MRTFB: variants seen among roughly 807,000 people sequenced by gnomAD.
The protein encoded by MRTFB is myocardin related transcription factor B.
In MRTFB, 29 loss-of-function variants were observed where a neutral mutation model predicts 104.2. The observed-to-expected ratio is 0.28, with a 90% CI of 0.21 to 0.38. The LOEUF (loss-of-function observed/expected upper bound fraction) is 0.38, where lower values mean the gene tolerates loss of function less well. MRTFB is among the 10% of genes least tolerant of loss of function. The pLI is 1.00. For missense variants in MRTFB, 1,270 were observed against 1,341.6 expected (o/e 0.95, Z 0.83); for synonymous variants, 535 against 519.5 (o/e 1.03, Z -0.41).
At position 14,079,276 on chromosome 16, in the gene MRTFB, C is replaced by CTT. The variant is rs532950279; in HGVS notation, c.-128-6_-128-5dup. On this transcript the variant is annotated splice_polypyrimidine_tract_variant and intron_variant, in intron 1 of 16. Coordinates refer to ENST00000571589, the MANE Select transcript of MRTFB (RefSeq NM_001308142.2). ...GTGCTCAATAAAAAGTAATTTCTGC[C>CTT]TTTTTTTTTCCAGGTTCACAATAAA... 4 of 346,020 alleles carry CTT rather than the reference C, an allele frequency of 1.2e-5. No individual in the cohort carries two copies. Among genetic ancestry groups the CTT allele is most frequent in the African/African-American group, 6.3e-5 (3 of 47,504 alleles). The allele number at this position is 346,020 out of a possible 1,614,324, so 21.4% of individuals were successfully genotyped here. A position where few individuals can be genotyped will look rare whatever the true frequency, so the allele number is the denominator to read the frequency against.
At chr16:14,206,345 CTCTG>C (rs1489083237) in intron 3 of MRTFB, among the ~76,000 whole-genome samples, 15 of 152,194 alleles carry the variant, frequency 9.9e-5, no homozygotes, top group African/African-American at 3.4e-4. Context: ...CCTGGATGGT[CTCTG>C]TCTAAGGTGC....
At chr16:14,005,045 T>C in the MRTFB span, among the ~76,000 whole-genome samples, 1 of 152,238 alleles carries the variant, frequency 6.6e-6, no homozygotes, top group South Asian at 2.1e-4. Context: ...CCTGCATGAC[T>C]GGAGGTGGGA....
upstream of MRTFB, among the ~76,000 whole-genome samples, chr16:14,068,701 C>T (rs1028076218): frequency 1.2e-4 from 19 of 152,044 alleles, no homozygotes; most frequent in South Asian, 2.1e-4. Context: ...GGATTTGTGA[C>T]GGTTGATTTT....
At position 14,234,198 on chromosome 16, in the gene MRTFB, C is replaced by G; in HGVS notation, c.746C>G (p.Ala249Gly). 4 of 1,614,178 alleles carry G rather than the reference C, an allele frequency of 2.5e-6. No homozygotes were observed. Among genetic ancestry groups the G allele is most frequent in the Non-Finnish European group, 3.4e-6 (4 of 1,180,026 alleles). ...GAATTCTTGAAAACTCCTCCAACTG[C>G]AGATCAGCCTCCCCCACGGCCTGCA... ...VPEFLKTPPTADQPPPRPAAP... is the reference protein window; with the variant it reads ...VPEFLKTPPTGDQPPPRPAAP... Residue 249 changes from alanine (A) to glycine (G), a missense_variant, in exon 9 of 17, where the codon GCA becomes GGA. Transcript: ENST00000571589.
intron 2 of MRTFB, among the ~76,000 whole-genome samples, chr16:14,109,696 C>T (rs968540359): frequency 2.6e-4 from 40 of 152,110 alleles, no homozygotes; most frequent in Admixed American, 2.5e-3. Flanking sequence ...CCATAAGAAC[C>T]GTGGAAGCTA....
the MRTFB span, among the ~76,000 whole-genome samples, chr16:14,032,720 T>C: frequency 5.3e-5 from 8 of 152,168 alleles, no homozygotes; most frequent in Admixed American, 2.0e-4. Context: ...CTGTGGGGTC[T>C]ATATGAACCC....
intron 3 of MRTFB, among the ~76,000 whole-genome samples, chr16:14,175,686 A>C (rs925826446): frequency 1.3e-5 from 2 of 152,222 alleles, no homozygotes; most frequent in Non-Finnish European, 2.9e-5. Flanking sequence ...ACTTATTCAT[A>C]GTAGCTCAAA....
chr16:14,077,898 A>G (rs2034160726), intron 1 of MRTFB, among the ~76,000 whole-genome samples: 1 of 152,176 alleles, frequency 6.6e-6, no homozygotes, highest in Non-Finnish European at 1.5e-5. Context: ...TCCAAGTTAA[A>G]ACTAAGCTCT....
intron 8 of MRTFB, among the ~76,000 whole-genome samples, chr16:14,232,646 G>A (rs540322340): frequency 2.1e-4 from 32 of 152,304 alleles, no homozygotes; most frequent in African/African-American, 7.7e-4. Context: ...CGAGAGAGCT[G>A]ACAAGGGCAT....
At position 14,266,157 on chromosome 16, in the gene MRTFB, A is replaced by C; in HGVS notation, c.*4713A>C. On this transcript the variant is annotated 3_prime_UTR_variant, in exon 17 of 17. Transcript: ENST00000571589. ...AAAATTTGAGACTAATGAGATCTCA[A>C]AAATCAGCCCCAAAAAGGTATTATC... The C allele has an allele frequency of 6.6e-6, 1 of 152,244 alleles. No homozygotes were observed. Among genetic ancestry groups the C allele is most frequent in the East Asian group, 1.9e-4 (1 of 5,202 alleles). The allele number at this position is 152,244 out of a possible 1,614,324, so 9.4% of individuals were successfully genotyped here.
chr16:14,251,621 A>G (rs1018643025), intron 13 of MRTFB, among the ~76,000 whole-genome samples: 23 of 152,230 alleles, frequency 1.5e-4, no homozygotes, highest in African/African-American at 5.3e-4. Flanking sequence ...TTGTATGGAT[A>G]AAGTTTTATT....
intron 13 of MRTFB, among the ~76,000 whole-genome samples, chr16:14,250,482 C>G (rs1460994532): frequency 6.6e-6 from 1 of 152,186 alleles, no homozygotes; most frequent in African/African-American, 2.4e-5. Context: ...TCACCTTTGC[C>G]TGTTGGAACA....
intron 2 of MRTFB, among the ~76,000 whole-genome samples, chr16:14,099,197 A>C (rs2035559357): frequency 6.6e-6 from 1 of 152,132 alleles, no homozygotes; most frequent in East Asian, 1.9e-4. Flanking sequence ...GGGTCTTCCA[A>C]ACCAAGAACA....
chr16:14,091,794 A>G (rs2035083791), intron 2 of MRTFB, among the ~76,000 whole-genome samples: 1 of 152,064 alleles, frequency 6.6e-6, no homozygotes, highest in African/African-American at 2.4e-5. Flanking sequence ...CAGGAGTTTG[A>G]GACCAGCCTA....
At chr16:14,031,788 G>A in the MRTFB span, among the ~76,000 whole-genome samples, 3 of 151,942 alleles carry the variant, frequency 2.0e-5, no homozygotes, top group African/African-American at 7.3e-5. Context: ...ATCCATACCT[G>A]AGTCTGTGTT....
Position 14,261,969 on chromosome 16 carries a change from C to T in MRTFB, c.*525C>T, listed in dbSNP as rs1366077478. 6.6e-6 allele frequency: 1 copy of T among 152,350 alleles called. No individual in the cohort carries two copies. Among genetic ancestry groups the T allele is most frequent in the Non-Finnish European group, 1.5e-5 (1 of 68,136 alleles). 9.4% of individuals were successfully genotyped at this position (152,350 alleles called of 1,614,324 possible). A position where few individuals can be genotyped will look rare whatever the true frequency, so the allele number is the denominator to read the frequency against. ...AGGCAGTGGAGAGCCTTGGCCAGTT[C>T]AGTGACAGCTTCTGGCTGAAGACTT... On this transcript the variant is annotated 3_prime_UTR_variant, in exon 17 of 17. Transcript: ENST00000571589.
At position 14,247,070 on chromosome 16, in the gene MRTFB, G is replaced by A. The variant is rs376599039; in HGVS notation, c.1810G>A (p.Val604Ile). Residue 604 changes from valine to isoleucine, a missense_variant, in exon 12 of 17, where the codon GTT becomes ATT. By Grantham distance (29) the Val-to-Ile change is conservative. This residue lies in a region of MRTFB where 1,144 missense variants were observed against 1,131.5 expected (regional missense o/e 1.01). Coordinates refer to ENST00000571589, the MANE Select transcript of MRTFB (RefSeq NM_001308142.2). ...LVEVLKMQLE[V>I]EKRGQQQRPL... ...GGAAGTGCTGAAAATGCAACTTGAG[G>A]TTGAAAAACGAGGGCAGCAGCAGCG... The A allele has an allele frequency of 4.9e-5, 79 of 1,614,054 alleles. 1 individual carries two copies. Among genetic ancestry groups the A allele is most frequent in the Non-Finnish European group, 5.9e-6 (7 of 1,180,046 alleles).
intron 3 of MRTFB, among the ~76,000 whole-genome samples, chr16:14,155,600 A>G (rs866638367): frequency 6.6e-6 from 1 of 152,288 alleles, no homozygotes; most frequent in Middle Eastern, 3.4e-3. Flanking sequence ...CAGCTAAGTA[A>G]CTTTTGGATC....
At chr16:14,176,715 G>A (rs2039594613) in intron 3 of MRTFB, among the ~76,000 whole-genome samples, 1 of 152,214 alleles carries the variant, frequency 6.6e-6, no homozygotes, top group Non-Finnish European at 1.5e-5. Flanking sequence ...CTGTAAAATG[G>A]AGATAGTAGT....
Sources: allele counts gnomAD v4.1 joint callset (sites outside exome capture counted in the v4.1 genomes callset), GRCh38; gene constraint gnomAD v4.1.1; regional missense constraint gnomAD v4.1.1; transcripts MANE v1.5; gene names NCBI Gene and HGNC (gene_info 2026-07-23, HGNC 2026-07-21).